The following DPP10 variants were observed in gnomAD, a reference collection of about 807,000 sequenced individuals.
DPP10 encodes dipeptidyl peptidase like 10, also known as inactive dipeptidyl peptidase 10.
In DPP10, 33 loss-of-function variants were observed where a neutral mutation model predicts 120.9. The ratio of observed to expected loss-of-function variants is 0.27; its 90% CI spans 0.21 to 0.37. DPP10 has a LOEUF of 0.37. DPP10 is among the 10% of genes least tolerant of loss of function. The pLI, the probability that DPP10 is intolerant of heterozygous loss-of-function variation, is 1.00. For synonymous variants in DPP10, 337 were observed against 326.1 expected (o/e 1.03, Z -0.36); for missense variants, 816 against 942.8 (o/e 0.87, Z 1.76).
intron 5 of DPP10, among the ~76,000 whole-genome samples, chr2:115,622,536 GTA>G (rs2085036787): frequency 1.6e-5 from 1 of 62,180 alleles, no homozygotes. Flanking sequence ...TTTTTTTAAC[GTA>G]TGTTTTCTTT....
intron 1 of DPP10, among the ~76,000 whole-genome samples, chr2:114,966,369 T>C (rs2104757375): frequency 6.6e-6 from 1 of 152,220 alleles, no homozygotes; most frequent in South Asian, 2.1e-4. Context: ...GGTTACTTTT[T>C]TGCACTCCAG....
At chr2:114,622,646 C>A (rs749961156) in intron 1 of DPP10, among the ~76,000 whole-genome samples, 1 of 151,924 alleles carries the variant, frequency 6.6e-6, no homozygotes, top group African/African-American at 2.4e-5. Flanking sequence ...CTGAACACAG[C>A]GATTATTTCA....
At chr2:115,588,591 TCATGTGTTGCACA>T (rs1223994329) in intron 5 of DPP10, among the ~76,000 whole-genome samples, 1 of 152,208 alleles carries the variant, frequency 6.6e-6, no homozygotes, top group Non-Finnish European at 1.5e-5. Context: ...CCACATGGAA[TCATGTGTTGCACA>T]CACAGGAAAC....
At chr2:115,410,575 C>T (rs1251555565) in intron 3 of DPP10, among the ~76,000 whole-genome samples, 2 of 152,280 alleles carry the variant, frequency 1.3e-5, no homozygotes, top group South Asian at 2.1e-4. Flanking sequence ...CCATGGCACA[C>T]GTTAACCTGT....
At chr2:115,111,248 T>C (rs1286548784) in intron 1 of DPP10, among the ~76,000 whole-genome samples, 1 of 152,102 alleles carries the variant, frequency 6.6e-6, no homozygotes, top group Non-Finnish European at 1.5e-5. Flanking sequence ...TGCTTTTTTT[T>C]TTTTTTAAAT....
intron 7 of DPP10, among the ~76,000 whole-genome samples, chr2:115,719,916 C>T (rs1381746941): frequency 6.6e-6 from 1 of 152,144 alleles, no homozygotes; most frequent in Non-Finnish European, 1.5e-5. Flanking sequence ...TAACTATTTA[C>T]CCACAAAGAT....
chr2:115,568,957 T>C (rs970752240), intron 5 of DPP10, among the ~76,000 whole-genome samples: 3 of 152,244 alleles, frequency 2.0e-5, no homozygotes, highest in Admixed American at 6.5e-5. Flanking sequence ...TTGGTGTCAA[T>C]ATTCTTATAT....
intron 1 of DPP10, among the ~76,000 whole-genome samples, chr2:114,859,659 A>G (rs1195033044): frequency 6.6e-6 from 1 of 152,224 alleles, no homozygotes; most frequent in East Asian, 1.9e-4. Context: ...ATATGCATCT[A>G]CAAATGTCTC....
chr2:115,328,487 T>G (rs923222535), intron 2 of DPP10, among the ~76,000 whole-genome samples: 25 of 152,052 alleles, frequency 1.6e-4, no homozygotes, highest in Admixed American at 1.6e-3. Flanking sequence ...AACCTAAAGG[T>G]ACATTTCTTA....
At chr2:115,226,316 G>A (rs779225158) in intron 1 of DPP10, among the ~76,000 whole-genome samples, 28 of 152,202 alleles carry the variant, frequency 1.8e-4, no homozygotes, top group Non-Finnish European at 2.9e-4. Flanking sequence ...TGAGTTGTAC[G>A]TGTGAGTAAA....
chr2:115,743,596 A>G (rs1045975951), intron 9 of DPP10, among the ~76,000 whole-genome samples: 1 of 152,164 alleles, frequency 6.6e-6, no homozygotes, highest in Non-Finnish European at 1.5e-5. Context: ...AATAATTATC[A>G]TTTTAATTCA....
intron 5 of DPP10, among the ~76,000 whole-genome samples, chr2:115,549,354 C>T (rs1487232376): frequency 1.3e-5 from 2 of 152,122 alleles, no homozygotes; most frequent in Non-Finnish European, 2.9e-5. Context: ...TTTGTCCTTT[C>T]TTGTGAGGTT....
intron 5 of DPP10, among the ~76,000 whole-genome samples, chr2:115,581,472 A>G (rs928581921): frequency 1.3e-5 from 2 of 152,156 alleles, no homozygotes; most frequent in Non-Finnish European, 2.9e-5. Context: ...ACTAGGGCCA[A>G]GGTTCCCAAT....
chr2:115,786,722 T>A (rs2149892120), intron 17 of DPP10, among the ~76,000 whole-genome samples: 1 of 152,262 alleles, frequency 6.6e-6, no homozygotes, highest in South Asian at 2.1e-4. Flanking sequence ...ATCTCTGAGT[T>A]GAGGAGACAG....
At chr2:115,494,376 A>G (rs112822539) in intron 3 of DPP10, among the ~76,000 whole-genome samples, 4 of 152,248 alleles carry the variant, frequency 2.6e-5, no homozygotes, top group African/African-American at 7.2e-5. Context: ...AAGTCTTGGG[A>G]AAAAAATGTG....
At chr2:115,026,624 C>A (rs938876536) in intron 1 of DPP10, among the ~76,000 whole-genome samples, 1 of 152,148 alleles carries the variant, frequency 6.6e-6, no homozygotes, top group African/African-American at 2.4e-5. Flanking sequence ...CAACCTCTGC[C>A]TCCTGTGTTC....
At chr2:114,707,323 A>G (rs1700745993) in intron 1 of DPP10, 5 of 152,238 alleles carry the variant, frequency 3.3e-5, no homozygotes, top group Admixed American at 3.3e-4. Context: ...AGTAGGAGGT[A>G]AAATTATGGT....
At chr2:114,796,149 T>C (rs1331271972) in intron 1 of DPP10, among the ~76,000 whole-genome samples, 1 of 152,174 alleles carries the variant, frequency 6.6e-6, no homozygotes. Context: ...TCTCACTTAA[T>C]TTTCACTGTA....
intron 24 of DPP10, among the ~76,000 whole-genome samples, chr2:115,840,347 G>A (rs1160744310): frequency 1.4e-4 from 13 of 90,204 alleles, no homozygotes; most frequent in South Asian, 3.9e-4. Flanking sequence ...TTTTTGAGAC[G>A]GAGTCTTGCT....
Sources: gnomAD v4.1 joint callset for allele counts (sites outside exome capture counted in the v4.1 genomes callset) on GRCh38, gnomAD v4.1.1 for gene constraint, MANE v1.5 for transcripts, NCBI Gene and HGNC (gene_info 2026-07-23, HGNC 2026-07-21) for gene names.